Variants in SPATA13 observed in about 807,000 individuals in gnomAD.
SPATA13 encodes the protein spermatogenesis-associated protein 13.
SPATA13 carries 50 observed loss-of-function variants against 104.0 expected under a neutral mutation model. The ratio of observed to expected loss-of-function variants is 0.48; its 90% CI spans 0.38 to 0.61. The LOEUF (loss-of-function observed/expected upper bound fraction) is 0.61. SPATA13 is among the 20% of genes least tolerant of loss of function. SPATA13 has a pLI of 0.00. For synonymous variants in SPATA13, 606 were observed against 667.5 expected, an observed-to-expected ratio of 0.91 and a Z score of 1.42; for missense variants, 1,524 against 1,690.6, an observed-to-expected ratio of 0.90 and a Z score of 1.73.
chr13:24,097,066 G>A lies in SPATA13; in HGVS notation c.-112+79365G>A, dbSNP rs117219201. Among the ~76,000 whole-genome samples, 110 of 152,320 alleles carry A rather than the reference G, an allele frequency of 7.2e-4. 1 individual carries two copies. The East Asian group carries it at 0.018, about 24-fold the overall frequency. ...TTCGAGGAGAAACAGCGTTGGCCCC[G>A]GCTGAAACGGTGCCAGTGGAGTTGA... On this transcript the variant is annotated intron_variant, in intron 3 of 14. Transcript: ENST00000424834.
chr13:24,137,303 G>A (rs1881605999), intron 3 of SPATA13, among the ~76,000 whole-genome samples: 1 of 152,172 alleles, frequency 6.6e-6, no homozygotes, highest in Admixed American at 6.5e-5. Context: ...TTTGCCAGGG[G>A]CCTGCTCCTG....
At chr13:24,068,506 G>A (rs751288356) in intron 3 of SPATA13, among the ~76,000 whole-genome samples, 23 of 152,164 alleles carry the variant, frequency 1.5e-4, no homozygotes, top group Non-Finnish European at 3.1e-4. Flanking sequence ...TAATGAAATT[G>A]CTTTGTCAAA....
intron 2 of SPATA13, among the ~76,000 whole-genome samples, chr13:24,007,983 G>C (rs564385933): frequency 6.6e-6 from 1 of 152,330 alleles, no homozygotes; most frequent in East Asian, 1.9e-4. Flanking sequence ...GGAAATGGAG[G>C]CAGGCGCGGC....
intron 1 of SPATA13, among the ~76,000 whole-genome samples, chr13:24,207,711 A>G (rs936542107): frequency 2.0e-5 from 3 of 152,226 alleles, no homozygotes; most frequent in Non-Finnish European, 2.9e-5. Context: ...AAGATAAACT[A>G]TGCAACTGTA....
Position 24,043,961 on chromosome 13 carries a change from G to T in SPATA13, c.-112+26260G>T, listed in dbSNP as rs1437123326. Among the ~76,000 whole-genome samples the T allele has an allele frequency of 5.3e-5, 8 of 152,304 alleles. No individual in the cohort carries two copies. The East Asian group carries it at 1.5e-3, about 29-fold the overall frequency. ...GGGTTAGTTTTTTTCCATTTTGATG[G>T]TGCTGCTTGGAGGTAAGATGATGGA... is the stretch of plus-strand genomic sequence containing the variant. On this transcript the variant is annotated intron_variant, in intron 3 of 14. Transcript: ENST00000424834.
intron 3 of SPATA13, among the ~76,000 whole-genome samples, chr13:24,037,152 A>G (rs911952079): frequency 3.6e-5 from 5 of 139,236 alleles, no homozygotes; most frequent in African/African-American, 1.4e-4. Flanking sequence ...AGGTTCTTCA[A>G]TGAGAACACT....
chr13:24,259,566 T>A (rs1330295257), intron 4 of SPATA13, among the ~76,000 whole-genome samples: 1 of 152,254 alleles, frequency 6.6e-6, no homozygotes, highest in Non-Finnish European at 1.5e-5. Context: ...TTGTACTGAA[T>A]GTATACATCC....
At chr13:24,111,957 T>G (rs1439348365) in intron 3 of SPATA13, among the ~76,000 whole-genome samples, 1 of 152,234 alleles carries the variant, frequency 6.6e-6, no homozygotes, top group Non-Finnish European at 1.5e-5. Context: ...GCGGAAGCAC[T>G]TTCTCATTCT....
chr13:24,188,416 A>C (rs1160363381), intron 1 of SPATA13, among the ~76,000 whole-genome samples: 1 of 152,200 alleles, frequency 6.6e-6, no homozygotes, highest in East Asian at 1.9e-4. Context: ...GCTGATATTG[A>C]GAAAGTTTTA....
At chr13:23,981,155 AG>A (rs1401409485) in intron 1 of SPATA13, among the ~76,000 whole-genome samples, 1 of 152,236 alleles carries the variant, frequency 6.6e-6, no homozygotes, top group Non-Finnish European at 1.5e-5. Context: ...ACTTTCACAA[AG>A]GACTAGAGAG....
rs80146368 is a variant in SPATA13 at position 24,071,540 on chromosome 13, G to C, written c.-112+53839G>C. 3.6e-3 allele frequency among the ~76,000 whole-genome samples: 548 copies of C among 152,294 alleles called. 15 individuals carry two copies. The East Asian group carries it at 0.062, about 17-fold the overall frequency. On this transcript the variant is annotated intron_variant, in intron 3 of 14. Coordinates refer to the SPATA13 transcript ENST00000424834. ...TCACCCTGTATCCTCAATCGCTTCT[G>C]TCTGGTGGAACTAGGGAAAACCAGC...
At chr13:24,000,982 T>C (rs760510560) in intron 2 of SPATA13, among the ~76,000 whole-genome samples, 1 of 152,086 alleles carries the variant, frequency 6.6e-6, no homozygotes, top group African/African-American at 2.4e-5. Context: ...AGCACCACTG[T>C]TTTTCAGCTT....
At chr13:24,125,899 C>T (rs1881197536) in intron 3 of SPATA13, among the ~76,000 whole-genome samples, 1 of 152,170 alleles carries the variant, frequency 6.6e-6, no homozygotes, top group Admixed American at 6.5e-5. Context: ...AAAGGGGGCC[C>T]ACTCTGGAAT....
At chr13:24,079,270 G>C (rs1191409527) in intron 3 of SPATA13, among the ~76,000 whole-genome samples, 1 of 152,198 alleles carries the variant, frequency 6.6e-6, no homozygotes, top group Non-Finnish European at 1.5e-5. Context: ...AGCCATCCAG[G>C]GCCTTGTCCG....
chr13:24,268,107 G>C (rs1874378682), intron 4 of SPATA13, among the ~76,000 whole-genome samples: 1 of 152,194 alleles, frequency 6.6e-6, no homozygotes, highest in African/African-American at 2.4e-5. Context: ...TAAAAAAAGA[G>C]CGTCATAGCC....
chr13:24,237,180 A>AC (rs1210165300), intron 2 of SPATA13, among the ~76,000 whole-genome samples: 2 of 152,036 alleles, frequency 1.3e-5, no homozygotes, highest in African/African-American at 4.8e-5. Flanking sequence ...ACATGGTGAA[A>AC]CCCCATCTCT....
chr13:24,106,428 T>C (rs975865598), intron 3 of SPATA13, among the ~76,000 whole-genome samples: 1 of 152,228 alleles, frequency 6.6e-6, no homozygotes, highest in Non-Finnish European at 1.5e-5. Flanking sequence ...TTTCCTTGTA[T>C]ATGAAAATGG....
intron 3 of SPATA13, among the ~76,000 whole-genome samples, chr13:24,025,917 G>T (rs1458216486): frequency 1.3e-5 from 2 of 151,480 alleles, no homozygotes; most frequent in Admixed American, 6.6e-5. Flanking sequence ...GGATTCTCCT[G>T]CATCAGCCTC....
At chr13:24,136,105 TAAG>T (rs761816647) in intron 3 of SPATA13, among the ~76,000 whole-genome samples, 3 of 152,336 alleles carry the variant, frequency 2.0e-5, no homozygotes, top group East Asian at 1.9e-4. Flanking sequence ...GAAGTTTTCC[TAAG>T]AAGATTATTA....
Sources: allele counts gnomAD v4.1 joint callset (sites outside exome capture counted in the v4.1 genomes callset), GRCh38; gene constraint gnomAD v4.1.1; transcripts MANE v1.5; gene names NCBI Gene and HGNC (gene_info 2026-07-23, HGNC 2026-07-21).